SRP68: variants seen among roughly 807,000 people sequenced by gnomAD.
SRP68 encodes the protein signal recognition particle 68.
In SRP68, 15 loss-of-function variants were observed where a neutral mutation model predicts 82.2. The ratio of observed to expected loss-of-function variants is 0.18; its 90% CI spans 0.12 to 0.28. The LOEUF is 0.28. Among genes scored for constraint, SRP68 ranks in the 10% least tolerant of loss-of-function variants. SRP68 has a pLI of 1.00. For missense variants in SRP68, 595 were observed against 780.5 expected, an observed-to-expected ratio of 0.76 and a Z score of 2.83; for synonymous variants, 261 against 292.6, an observed-to-expected ratio of 0.89 and a Z score of 1.10.
chr17:76,053,388 A>G (rs2144502654), intron 8 of SRP68: 1 of 856,804 alleles, frequency 1.2e-6, no homozygotes, highest in East Asian at 1.2e-4. Flanking sequence ...CCCTTCTCAG[A>G]CAAGTGGGGT....
At chr17:76,069,342 C>T (rs988041801) in intron 2 of SRP68, among the ~76,000 whole-genome samples, 4 of 151,498 alleles carry the variant, frequency 2.6e-5, no homozygotes, top group African/African-American at 7.3e-5. Context: ...ACACCGAGAT[C>T]GTGCCACTGC....
rs866327102 is a variant in SRP68, at chr17:76,062,545, T to A, written c.562-971A>T. 3.5e-3 allele frequency among the ~76,000 whole-genome samples: 332 copies of A among 94,720 alleles called. 2 individuals are homozygous for A. Among genetic ancestry groups the A allele is most frequent in the Non-Finnish European group, 5.5e-3 (281 of 51,310 alleles). The allele number at this position is 94,720 out of a possible 152,430, so 62.1% of individuals were successfully genotyped here. On this transcript the variant is annotated intron_variant, in intron 4 of 15. Coordinates refer to ENST00000307877, the MANE Select transcript of SRP68 (RefSeq NM_014230.4). ...TATATTATATAATATACATTATATA[T>A]TATATAATATACATTATATATTATA...
intron 4 of SRP68, among the ~76,000 whole-genome samples, chr17:76,063,262 A>G (rs1388831920): frequency 6.6e-6 from 1 of 152,236 alleles, no homozygotes; most frequent in East Asian, 1.9e-4. Flanking sequence ...GAAGTTGAAT[A>G]AAACCTTGCA....
chr17:76,057,975 T>C (rs2066724139), intron 7 of SRP68, among the ~76,000 whole-genome samples: 1 of 148,738 alleles, frequency 6.7e-6, no homozygotes, highest in East Asian at 2.0e-4. Flanking sequence ...GTGCCAGGCC[T>C]CTTTAATTTT....
intron 9 of SRP68, chr17:76,048,989 T>C (rs1271114982): frequency 6.6e-6 from 1 of 152,202 alleles, no homozygotes; most frequent in African/African-American, 2.4e-5. Context: ...GAGAAAGCAG[T>C]GATTCAAAAC....
intron 7 of SRP68, 143 bp from the exon 8 acceptor site, chr17:76,057,686 AT>A (rs2066722182): frequency 1.3e-4 from 123 of 966,572 alleles, no homozygotes; most frequent in Non-Finnish European, 1.5e-4. Flanking sequence ...AATTTCTTTC[AT>A]TTTTTTTGAG....
chr17:76,040,851 G>T, intron 14 of SRP68, 52 bp downstream of exon 14: 1 of 1,516,100 alleles, frequency 6.6e-7, no homozygotes, highest in Non-Finnish European at 9.2e-7. Flanking sequence ...ACAGAGAAGG[G>T]GAGTGGCAGG....
chr17:76,044,927 A>C (rs1314151785), intron 12 of SRP68: 1 of 162,124 alleles, frequency 6.2e-6, no homozygotes, highest in African/African-American at 2.4e-5. Flanking sequence ...TTTTTAATAG[A>C]GACGGAGTTT....
rs2066854559 is a variant in SRP68 at position 76,071,747 on chromosome 17, A to T, written c.184+561T>A. 6.6e-6 allele frequency among the ~76,000 whole-genome samples: 1 copy of T among 152,232 alleles called. No homozygotes were observed. On this transcript the variant is annotated intron_variant, in intron 1 of 15. Transcript: ENST00000307877. This position sits in a 1 kb window ranked among gnomAD's most constrained non-coding sequence, Gnocchi z 4.7. ...GAAACCGATTCCTCCAGCTTATATG[A>T]ATGACTGTCAGCAAGATAAAATGCC...
Position 76,039,760 on chromosome 17 carries a change from C to G in SRP68, c.1830G>C (p.Lys610Asn). The G allele has an allele frequency of 6.2e-7, 1 of 1,614,230 alleles. No individual in the cohort carries two copies. The highest frequency in any genetic ancestry group is 8.5e-7 in the Non-Finnish European group (1 of 1,180,048). ...FPPLEDKLEQKTKSGLTGYIK... is the reference protein window; with the variant it reads ...FPPLEDKLEQNTKSGLTGYIK... The stretch of plus-strand genomic sequence containing the variant: ...TGTATCCAGTGAGGCCACTCTTGGT[C>G]TTCTGTTCCAACTTGTCCTCAAGGG... Residue 610 changes from lysine (K) to asparagine (N), a missense_variant, in exon 16 of 16, where the codon AAG (lysine) becomes AAC (asparagine). By Grantham distance (94) the Lys-to-Asn change is moderately conservative. Transcript: ENST00000307877.
At chr17:76,066,656 A>C (rs2066809248) in intron 3 of SRP68, among the ~76,000 whole-genome samples, 1 of 150,230 alleles carries the variant, frequency 6.7e-6, no homozygotes, top group Non-Finnish European at 1.5e-5. Flanking sequence ...ATAGGCAAGA[A>C]GGGAGAAGAA....
chr17:76,072,505 C>A lies in SRP68; in HGVS notation c.-14G>T. 1.3e-6 allele frequency: 2 copies of A among 1,580,586 alleles called. No homozygotes were observed. The highest frequency in any genetic ancestry group is 1.7e-6 in the Non-Finnish European group (2 of 1,172,552). Reference sequence around the variant, plus strand: ...CTCAGCAGCCATCTTGCCCCTGCGCCGCAGAGCAAGACGGGATAGGGGAGG... The same window carrying A: ...CTCAGCAGCCATCTTGCCCCTGCGCAGCAGAGCAAGACGGGATAGGGGAGG... On this transcript the variant is annotated 5_prime_UTR_variant, in exon 1 of 16. Coordinates refer to ENST00000307877, the MANE Select transcript of SRP68 (RefSeq NM_014230.4). This position sits in a 1 kb window ranked among gnomAD's most constrained non-coding sequence, Gnocchi z 4.5.
chr17:76,067,171 T>C (rs373590027), intron 3 of SRP68, 46 bp downstream of exon 3: 143 of 1,355,402 alleles, frequency 1.1e-4, no homozygotes, highest in Non-Finnish European at 1.5e-4. Flanking sequence ...GTTCAATAAA[T>C]GTATTAGCAA....
chr17:76,057,495 C>T lies in SRP68; in HGVS notation c.886G>A (p.Val296Met), dbSNP rs749757006. The T allele has an allele frequency of 6.8e-6, 11 of 1,614,220 alleles. No homozygotes were observed. Among genetic ancestry groups the T allele is most frequent in the Admixed American group, 3.3e-5 (2 of 60,014 alleles). ...GGAACCGTTCTCCCTCTCCACTCCA[C>T]TTCACTCATGGTAGCTGCCTGTTTG... The part of the protein sequence containing the change: ...RAKQAATMSE[V>M]EWRGRTVPVK... The change falls in exon 8 of 16, where the codon GTG becomes ATG. Residue 296 changes from valine (V) to methionine (M), a missense_variant. Around this residue, in one of 2 missense-constraint regions of SRP68, gnomAD observed 495 missense variants for 688.6 expected, o/e 0.72. Transcript: ENST00000307877.
Position 76,066,354 on chromosome 17 carries a change from A to G in SRP68, c.365+863T>C, listed in dbSNP as rs544228212. Among the ~76,000 whole-genome samples, 40 of 151,496 alleles carry G rather than the reference A, an allele frequency of 2.6e-4. No homozygotes were observed. In the South Asian group the frequency reaches 7.8e-3, roughly 30 times the overall value. ...GTAATCCCAGCTACTCCGGAGGCTG[A>G]GGCAGGAGAAGCTTGAACCCGGGAG... On this transcript the variant is annotated intron_variant, in intron 3 of 15. Coordinates refer to ENST00000307877, the MANE Select transcript of SRP68 (RefSeq NM_014230.4).
intron 4 of SRP68, among the ~76,000 whole-genome samples, chr17:76,062,946 A>AT (rs970670460): frequency 2.0e-5 from 3 of 148,060 alleles, no homozygotes; most frequent in Non-Finnish European, 4.4e-5. Flanking sequence ...AATTTTTTGT[A>AT]TTTTTAGTAG....
intron 2 of SRP68, 135 bp from the exon 3 acceptor site, chr17:76,067,465 G>A: frequency 4.5e-6 from 3 of 661,326 alleles, no homozygotes; most frequent in Non-Finnish European, 8.0e-6. Context: ...TCACATATCA[G>A]CTTCCAAACA....
chr17:76,062,627 CATTATATATTATAT>C (rs1238896690), intron 4 of SRP68, among the ~76,000 whole-genome samples: 3 of 56,860 alleles, frequency 5.3e-5, no homozygotes, highest in East Asian at 5.1e-4. Context: ...ATATAATATA[CATTATATATTATAT>C]AATATACATT....
intron 13 of SRP68, 29 bp from the exon 14 acceptor site, chr17:76,041,007 G>C (rs765274152): frequency 1.2e-6 from 2 of 1,601,300 alleles, no homozygotes; most frequent in South Asian, 1.1e-5. Context: ...GTGTACTCCC[G>C]AGCCAGGGCC....
Sources: allele counts gnomAD v4.1 joint callset (sites outside exome capture counted in the v4.1 genomes callset), GRCh38; gene constraint gnomAD v4.1.1; regional missense constraint gnomAD v4.1.1; non-coding constraint Gnocchi (gnomAD v3.1); transcripts MANE v1.5; gene names NCBI Gene and HGNC (gene_info 2026-07-23, HGNC 2026-07-21).